TNK2: variants seen among roughly 807,000 people sequenced by gnomAD.
TNK2 encodes activated CDC42 kinase 1.
TNK2 carries 83 observed loss-of-function variants against 101.8 expected under a neutral mutation model. The observed-to-expected ratio is 0.82, with a 90% CI of 0.68 to 0.98. The LOEUF (loss-of-function observed/expected upper bound fraction) is 0.98, where lower values mean the gene tolerates loss of function less well. Ranked by LOEUF, TNK2 falls within the 50% of genes least tolerant of loss-of-function variation. The pLI, the probability that TNK2 is intolerant of heterozygous loss-of-function variation, is 0.00. For missense variants in TNK2, 1,665 were observed against 1,483.2 expected (o/e 1.12, Z -2.01); for synonymous variants, 804 against 633.0 (o/e 1.27, Z -4.06).
intron 9 of TNK2, among the ~76,000 whole-genome samples, chr3:195,873,449 T>A (rs185593095): frequency 4.3e-4 from 43 of 100,492 alleles, no homozygotes; most frequent in Admixed American, 7.8e-4. Context: ...CCGTGGGCAG[T>A]GTCTGGGCAG....
Position 195,878,243 on chromosome 3 carries a change from C to T in TNK2, c.1256+10G>A, listed in dbSNP as rs764817443. The stretch of plus-strand genomic sequence containing the variant: ...GATCCCAGGGCGGGGCCCAGCCCTG[C>T]ACTCCCTACCTTCCCTCGATGACGG... On this transcript the variant is annotated intron_variant, in intron 9 of 15. Transcript: ENST00000672887. The surrounding 1 kb of genome is among the most constrained non-coding windows in gnomAD (Gnocchi z 4.7). The T allele has an allele frequency of 3.7e-6, 6 of 1,613,982 alleles. 1 individual carries two copies. Among genetic ancestry groups the T allele is most frequent in the South Asian group, 3.3e-5 (3 of 91,088 alleles).
chr3:195,871,392 C>G (rs1047444209), intron 10 of TNK2, among the ~76,000 whole-genome samples: 15 of 152,132 alleles, frequency 9.9e-5, no homozygotes, highest in African/African-American at 3.6e-4. Flanking sequence ...CCCAGTCCCA[C>G]TCTGGTTCTG....
At chr3:195,899,520 CG>C (rs1441645900) in intron 1 of TNK2, among the ~76,000 whole-genome samples, 1 of 152,060 alleles carries the variant, frequency 6.6e-6, no homozygotes, top group African/African-American at 2.4e-5. Context: ...AGAGTTGAGA[CG>C]GGGTTTCACC....
Position 195,868,641 on chromosome 3 carries a change from G to A in TNK2, c.1657C>T (p.Arg553Trp), listed in dbSNP as rs150245181. 4.0e-4 allele frequency: 642 copies of A among 1,593,578 alleles called. 1 individual carries two copies. The highest frequency in any genetic ancestry group is 4.7e-4 in the Admixed American group (28 of 59,364). ...AGCCCTCGGGGCAGGCCTGGCTTCC[G>A]CAGGCCCAGCCTCTTGAAGTCGCTG... ...LSSDFKRLGL[R>W]KPGLPRGLWL... The change falls in exon 13 of 16, where the codon CGG (arginine) becomes TGG (tryptophan). Residue 553 changes from arginine to tryptophan, a missense_variant. By Grantham distance (101) the Arg-to-Trp change is moderately radical. This residue lies in a region of TNK2 where 1,136 missense variants were observed against 894.9 expected (regional missense o/e 1.27). Transcript: ENST00000672887.
Position 195,885,589 on chromosome 3 carries a change from T to C in TNK2, c.235-556A>G, listed in dbSNP as rs143433872. The C allele has an allele frequency of 3.6e-3, 4,652 of 1,288,008 alleles. 15 individuals are homozygous for C. The highest frequency in any genetic ancestry group is 0.011 in the Middle Eastern group (53 of 4,696). 79.8% of individuals were successfully genotyped at this position (1,288,008 alleles called of 1,614,324 possible). A position where few individuals can be genotyped will look rare whatever the true frequency, so the allele number is the denominator to read the frequency against. ...TTTTAGTCTGAGGTTGAACCGTGAG[T>C]GTGTGTGTGGTTCAGATGAAGCTAG... is the stretch of plus-strand genomic sequence containing the variant. On this transcript the variant is annotated intron_variant, in intron 3 of 15. Transcript: ENST00000672887. The surrounding 1 kb of genome is among the most constrained non-coding windows in gnomAD (Gnocchi z 4.7).
rs930623998 is a variant in TNK2 at position 195,867,413 on chromosome 3, C to T, written c.2885G>A (p.Gly962Asp). 8.1e-6 allele frequency: 13 copies of T among 1,603,632 alleles called. No individual in the cohort carries two copies. In the East Asian group the frequency reaches 2.7e-4, roughly 33 times the overall value. The change falls in exon 13 of 16, where the codon GGC becomes GAC. Residue 962 changes from glycine (G) to aspartate (D), a missense_variant. Coordinates refer to ENST00000672887, the MANE Select transcript of TNK2 (RefSeq NM_001382273.1). ...PRATARLPQR[G>D]CPGDGPEAGR... ...CGCCTCTGGCCCATCGCCAGGGCAG[C>T]CCCTCTGTGGCAGCCGAGCAGTGGC...
intron 1 of TNK2, chr3:195,892,565 G>A: frequency 1.3e-6 from 2 of 1,496,314 alleles, no homozygotes; most frequent in East Asian, 2.5e-5. Context: ...ACTCTGCCCA[G>A]GAGCCCCCCA....
chr3:195,875,838 G>A (rs1034544993), intron 9 of TNK2, among the ~76,000 whole-genome samples: 1 of 152,200 alleles, frequency 6.6e-6, no homozygotes, highest in Non-Finnish European at 1.5e-5. Flanking sequence ...CAACATCTCT[G>A]GGGTAGACAA....
intron 1 of TNK2, among the ~76,000 whole-genome samples, chr3:195,899,094 A>G (rs2149838309): frequency 6.6e-6 from 1 of 152,286 alleles, no homozygotes; most frequent in East Asian, 1.9e-4. Flanking sequence ...ACTCCGTCTC[A>G]ATAAATAAAT....
At chr3:195,864,750 T>C (rs1418007303) in intron 15 of TNK2, among the ~76,000 whole-genome samples, 1 of 134,056 alleles carries the variant, frequency 7.5e-6, no homozygotes, top group Non-Finnish European at 1.6e-5. Flanking sequence ...TGACAGCGAG[T>C]GCCTGCGTCC....
At chr3:195,874,213 G>A (rs2149369984) in intron 9 of TNK2, among the ~76,000 whole-genome samples, 1 of 152,352 alleles carries the variant, frequency 6.6e-6, no homozygotes, top group Non-Finnish European at 1.5e-5. Context: ...GAATGCCGCT[G>A]AGGCCGAGAC....
In TNK2 at chr3:195,867,476, TTGG is replaced by T. The variant is rs1741673241; in HGVS notation, c.2819_2821del (p.Thr940del). The T allele has an allele frequency of 1.9e-6, 3 of 1,580,324 alleles. No homozygotes were observed. In the African/African-American group the frequency reaches 4.0e-5, roughly 21 times the overall value. On this transcript the variant is annotated inframe_deletion, in exon 13 of 16. Transcript: ENST00000672887. Reference sequence around the variant, plus strand: ...TGGCCGGGCCCCTGGGTTGCTGTTGTTGGTGGAGAAGTTGGCCTTGGGGTCCAA... The same window carrying T: ...TGGCCGGGCCCCTGGGTTGCTGTTGTTGGAGAAGTTGGCCTTGGGGTCCAA...
chr3:195,893,748 G>A (rs912417268), intron 1 of TNK2, among the ~76,000 whole-genome samples: 4 of 152,062 alleles, frequency 2.6e-5, no homozygotes, highest in African/African-American at 9.7e-5. Flanking sequence ...CCTGTTTCTT[G>A]CACACTGCTC....
chr3:195,900,379 G>A (rs1466740457), intron 1 of TNK2, among the ~76,000 whole-genome samples: 2 of 152,216 alleles, frequency 1.3e-5, no homozygotes, highest in African/African-American at 4.8e-5. Flanking sequence ...TCACTTGAGA[G>A]AGGAGGGGTG....
chr3:195,903,315 C>T (rs7340710), intron 1 of TNK2, among the ~76,000 whole-genome samples: 17,817 of 151,330 alleles, frequency 0.12, 1,316 homozygotes, highest in East Asian at 0.38. Flanking sequence ...ATTGGGATTA[C>T]AGGCGTGAGC....
intron 10 of TNK2, 56 bp downstream of exon 10, chr3:195,872,219 AG>A (rs1222138244): frequency 6.3e-7 from 1 of 1,592,464 alleles, no homozygotes; most frequent in African/African-American, 1.3e-5. Flanking sequence ...TGCCGTGCTG[AG>A]GGCCCTGGAG....
Position 195,868,222 on chromosome 3 carries a change from C to T in TNK2, c.2076G>A (p.Ala692=), listed in dbSNP as rs549526289. 4.9e-5 allele frequency: 79 copies of T among 1,606,546 alleles called. No homozygotes were observed. The highest frequency in any genetic ancestry group is 4.0e-4 in the South Asian group (36 of 90,972). ...TGTCCTCCAGGGGAGGGGGCGGCCG[C>T]GCCTGCTCAGGCACAAAGGCGTAGT... ...QTNYAFVPEQ[A]RPPPPLEDNL... The change falls in exon 13 of 16, where the codon GCG becomes GCA. Residue 692 remains alanine (A), a synonymous_variant. Transcript: ENST00000672887.
chr3:195,905,485 C>T (rs1015490422), intron 1 of TNK2, among the ~76,000 whole-genome samples: 1 of 152,076 alleles, frequency 6.6e-6, no homozygotes, highest in African/African-American at 2.4e-5. Flanking sequence ...AGGAGTGAGC[C>T]ACCGTGCCCA....
chr3:195,893,386 G>C (rs1325333564), intron 1 of TNK2, among the ~76,000 whole-genome samples: 1 of 151,876 alleles, frequency 6.6e-6, no homozygotes, highest in Non-Finnish European at 1.5e-5. Context: ...CAAACACCCA[G>C]GGTGCCTCCT....
Sources: gnomAD v4.1 joint callset for allele counts (sites outside exome capture counted in the v4.1 genomes callset) on GRCh38, gnomAD v4.1.1 for gene constraint, gnomAD v4.1.1 regional missense constraint, Gnocchi (gnomAD v3.1) non-coding constraint, MANE v1.5 for transcripts, NCBI Gene and HGNC (gene_info 2026-07-23, HGNC 2026-07-21) for gene names.